The following SDK1 variants were observed in gnomAD, a reference collection of about 807,000 sequenced individuals.
SDK1 encodes the protein protein sidekick-1.
In SDK1, 157 loss-of-function variants were observed where a neutral mutation model predicts 245.5. The ratio of observed to expected loss-of-function variants is 0.64; its 90% CI spans 0.56 to 0.73. SDK1 has a LOEUF of 0.73. Ranked by LOEUF, SDK1 falls within the 30% of genes least tolerant of loss-of-function variation. The probability of loss-of-function intolerance (pLI) is 0.00; values close to 1 mark genes in which losing one functional copy is unlikely to be tolerated. For missense variants in SDK1, 3,583 were observed against 3,002.3 expected (o/e 1.19, Z -4.52); for synonymous variants, 1,647 against 1,278.5 (o/e 1.29, Z -6.15).
At chr7:3,521,103 C>T (rs1027785579) in intron 1 of SDK1, among the ~76,000 whole-genome samples, 4 of 152,164 alleles carry the variant, frequency 2.6e-5, no homozygotes, top group Non-Finnish European at 4.4e-5. Context: ...CGGATGGAAG[C>T]CTCCATCTTC....
intron 1 of SDK1, among the ~76,000 whole-genome samples, chr7:3,381,822 G>A (rs1379905828): frequency 6.6e-6 from 1 of 152,154 alleles, no homozygotes; most frequent in Admixed American, 6.5e-5. Flanking sequence ...CATGGTTAGA[G>A]AACCTGAATT....
At chr7:3,346,353 A>C (rs1780492365) in intron 1 of SDK1, among the ~76,000 whole-genome samples, 1 of 152,166 alleles carries the variant, frequency 6.6e-6, no homozygotes, top group African/African-American at 2.4e-5. Context: ...CCTCCGTGCA[A>C]GGCTGTTCAT....
At chr7:3,655,087 A>G (rs987159147) in intron 4 of SDK1, among the ~76,000 whole-genome samples, 1 of 146,960 alleles carries the variant, frequency 6.8e-6, no homozygotes, top group Admixed American at 6.8e-5. Flanking sequence ...TACCCACATT[A>G]TATTTTGAAA....
At chr7:3,526,350 G>A (rs1281232332) in intron 1 of SDK1, among the ~76,000 whole-genome samples, 1 of 152,084 alleles carries the variant, frequency 6.6e-6, no homozygotes, top group Non-Finnish European at 1.5e-5. Flanking sequence ...TTGTAATCTG[G>A]CAATATTTTT....
At chr7:3,323,436 G>A (rs1486143329) in intron 1 of SDK1, among the ~76,000 whole-genome samples, 2 of 152,126 alleles carry the variant, frequency 1.3e-5, no homozygotes, top group African/African-American at 4.8e-5. Context: ...CCAGTGTTTG[G>A]GCCATAAGAT....
At position 3,875,061 on chromosome 7, in the gene SDK1, G is replaced by T. The variant is rs534091395; in HGVS notation, c.847+53478G>T. On this transcript the variant is annotated intron_variant, in intron 5 of 44. Coordinates refer to ENST00000404826, the MANE Select transcript of SDK1 (RefSeq NM_152744.4). ...TATACACGCTCACTAGCCCATACTT[G>T]GCCTTAGGCAGTTTATTCAGACTTC... Among the ~76,000 whole-genome samples the T allele has an allele frequency of 1.5e-4, 23 of 152,212 alleles. 1 individual carries two copies. Among genetic ancestry groups the T allele is most frequent in the Admixed American group, 7.2e-4 (11 of 15,300 alleles).
chr7:3,440,263 A>G (rs1180781517), intron 1 of SDK1, among the ~76,000 whole-genome samples: 1 of 152,174 alleles, frequency 6.6e-6, no homozygotes, highest in African/African-American at 2.4e-5. Context: ...CCAGGTTTGC[A>G]TTCAGGTATA....
At chr7:4,199,102 A>G (rs1347429556) in intron 35 of SDK1, among the ~76,000 whole-genome samples, 1 of 152,190 alleles carries the variant, frequency 6.6e-6, no homozygotes, top group Non-Finnish European at 1.5e-5. Flanking sequence ...GGTGTGAGCC[A>G]GCGTACCCGG....
chr7:4,217,793 T>C (rs991430633), intron 38 of SDK1, among the ~76,000 whole-genome samples: 3 of 152,026 alleles, frequency 2.0e-5, no homozygotes, highest in African/African-American at 7.2e-5. Flanking sequence ...TAAAAATTGA[T>C]TAAATAAATA....
intron 1 of SDK1, among the ~76,000 whole-genome samples, chr7:3,582,518 G>T (rs1218926221): frequency 6.6e-6 from 1 of 151,958 alleles, no homozygotes; most frequent in Non-Finnish European, 1.5e-5. Flanking sequence ...GTAGGCCCCA[G>T]TGTCTGCTGT....
chr7:3,957,911 C>T (rs1781395779), intron 7 of SDK1: 1 of 463,918 alleles, frequency 2.2e-6, no homozygotes, highest in Admixed American at 2.4e-5. Context: ...CAGATTCTTT[C>T]TGCTTGAGTG....
chr7:3,481,755 A>C (rs1781530032), intron 1 of SDK1, among the ~76,000 whole-genome samples: 1 of 152,214 alleles, frequency 6.6e-6, no homozygotes, highest in African/African-American at 2.4e-5. Context: ...CTAGGGGTGC[A>C]AACAGCAGTT....
At chr7:4,054,843 G>A (rs1779102601) in intron 19 of SDK1, among the ~76,000 whole-genome samples, 1 of 151,758 alleles carries the variant, frequency 6.6e-6, no homozygotes, top group Admixed American at 6.6e-5. Flanking sequence ...TGCTCTTACT[G>A]CATCATTTGA....
At chr7:3,804,159 T>G (rs1327862514) in intron 4 of SDK1, among the ~76,000 whole-genome samples, 1 of 152,222 alleles carries the variant, frequency 6.6e-6, no homozygotes, top group Admixed American at 6.5e-5. Flanking sequence ...ATTATGCTTT[T>G]GCTGTCATAT....
intron 2 of SDK1, among the ~76,000 whole-genome samples, chr7:3,629,879 A>G (rs943383487): frequency 6.6e-6 from 1 of 152,220 alleles, no homozygotes; most frequent in Admixed American, 6.5e-5. Flanking sequence ...TATTAGAGTT[A>G]ACAGAGAAAG....
intron 32 of SDK1, among the ~76,000 whole-genome samples, chr7:4,168,454 C>G (rs1010633754): frequency 6.6e-6 from 1 of 152,198 alleles, no homozygotes; most frequent in Admixed American, 6.5e-5. Context: ...AATCTTCGGC[C>G]CCTTCCCCTC....
intron 1 of SDK1, among the ~76,000 whole-genome samples, chr7:3,389,250 G>C (rs1032026051): frequency 6.6e-6 from 1 of 152,080 alleles, no homozygotes; most frequent in Non-Finnish European, 1.5e-5. Context: ...TGAGACTACA[G>C]ATATGATTAA....
chr7:3,850,101 A>G (rs145498740), intron 5 of SDK1, among the ~76,000 whole-genome samples: 177 of 152,334 alleles, frequency 1.2e-3, no homozygotes, highest in African/African-American at 4.0e-3. Flanking sequence ...TTTCTTCCAC[A>G]TTGCTGTCCT....
chr7:3,398,210 C>G (rs73296361), intron 1 of SDK1, among the ~76,000 whole-genome samples: 2,697 of 152,116 alleles, frequency 0.018, 95 homozygotes, highest in African/African-American at 0.062. Context: ...CCTTTATTTT[C>G]TTTGGGCTTC....
Sources: allele counts gnomAD v4.1 joint callset (sites outside exome capture counted in the v4.1 genomes callset), GRCh38; gene constraint gnomAD v4.1.1; transcripts MANE v1.5; gene names NCBI Gene and HGNC (gene_info 2026-07-23, HGNC 2026-07-21).